The following MYT1L variants were observed in gnomAD, a reference collection of about 807,000 sequenced individuals.
MYT1L encodes the protein myelin transcription factor 1 like.
Under a neutral mutation model 126.7 loss-of-function variants are expected in MYT1L, and 12 were observed. The ratio of observed to expected loss-of-function variants is 0.09; its 90% CI spans 0.06 to 0.15. MYT1L has a LOEUF of 0.15. Among genes scored for constraint, MYT1L ranks in the 10% least tolerant of loss-of-function variants. The pLI, the probability that MYT1L is intolerant of heterozygous loss-of-function variation, is 1.00. For synonymous variants in MYT1L, 541 were observed against 604.2 expected (o/e 0.90, Z 1.53); for missense variants, 979 against 1,585.2 (o/e 0.62, Z 6.49).
intron 8 of MYT1L, among the ~76,000 whole-genome samples, chr2:1,948,325 G>A (rs570012684): frequency 1.1e-4 from 17 of 152,220 alleles, no homozygotes; most frequent in African/African-American, 2.9e-4. Context: ...GAATACAGTC[G>A]TATCCCCAAC....
At chr2:2,108,197 C>G (rs894862737) in intron 3 of MYT1L, among the ~76,000 whole-genome samples, 2 of 152,164 alleles carry the variant, frequency 1.3e-5, no homozygotes, top group African/African-American at 4.8e-5. Flanking sequence ...GCTAGAGTCC[C>G]TCCAAATGCA....
In MYT1L at chr2:2,079,279, A is replaced by T. The variant is rs185115764; in HGVS notation, c.-303-25156T>A. On this transcript the variant is annotated intron_variant, in intron 3 of 24. Coordinates refer to ENST00000647738, the MANE Select transcript of MYT1L (RefSeq NM_001303052.2). ...ATAATGAATAAAACATCTGGAAATAAATTTAACAAAAGAAGTTCAAGACAT... is the reference window on the plus strand; with the variant it reads ...ATAATGAATAAAACATCTGGAAATATATTTAACAAAAGAAGTTCAAGACAT... 1.6e-3 allele frequency among the ~76,000 whole-genome samples: 237 copies of T among 152,364 alleles called. 1 individual carries two copies. The highest frequency in any genetic ancestry group is 5.3e-3 in the African/African-American group (221 of 41,586).
intron 13 of MYT1L, among the ~76,000 whole-genome samples, chr2:1,905,958 T>G (rs530191842): frequency 9.8e-5 from 15 of 152,354 alleles, no homozygotes; most frequent in Non-Finnish European, 1.8e-4. Context: ...GAGTCCTTGC[T>G]CTCTTCCTAA....
In MYT1L at chr2:2,023,605, C is replaced by T. The variant is rs146697886; in HGVS notation, c.-157-26258G>A. Among the ~76,000 whole-genome samples the T allele has an allele frequency of 3.3e-4, 49 of 149,864 alleles. 1 individual carries two copies. In the East Asian group the frequency reaches 9.4e-3, roughly 29 times the overall value. On this transcript the variant is annotated intron_variant, in intron 4 of 24. Coordinates refer to ENST00000647738, the MANE Select transcript of MYT1L (RefSeq NM_001303052.2). ...ACTCGGAGCAGCTCCCCTGCCCTGGCGGCACAAGGCTTTTGCTGTTTTTTT... is the reference window on the plus strand; with the variant it reads ...ACTCGGAGCAGCTCCCCTGCCCTGGTGGCACAAGGCTTTTGCTGTTTTTTT...
At chr2:1,966,269 C>A (rs930181133) in intron 8 of MYT1L, among the ~76,000 whole-genome samples, 1 of 152,222 alleles carries the variant, frequency 6.6e-6, no homozygotes, top group Non-Finnish European at 1.5e-5. Flanking sequence ...TTGACTTACT[C>A]ACCACTCTTT....
intron 4 of MYT1L, among the ~76,000 whole-genome samples, chr2:2,053,616 A>G (rs879527620): frequency 1.4e-4 from 22 of 152,198 alleles, no homozygotes; most frequent in Non-Finnish European, 2.1e-4. Context: ...ATCCCAAAAT[A>G]GAACTAATAA....
chr2:1,926,071 C>T (rs1573630779), intron 9 of MYT1L, among the ~76,000 whole-genome samples: 1 of 152,296 alleles, frequency 6.6e-6, no homozygotes. Flanking sequence ...TGTGCTTCTA[C>T]CCTTCTTCAA....
At chr2:1,853,644 A>G (rs1243204674) in intron 18 of MYT1L, among the ~76,000 whole-genome samples, 1 of 152,242 alleles carries the variant, frequency 6.6e-6, no homozygotes, top group Non-Finnish European at 1.5e-5. Flanking sequence ...TTTTCCTACC[A>G]GCCACCAATA....
intron 1 of MYT1L, among the ~76,000 whole-genome samples, chr2:2,293,408 C>T (rs186680761): frequency 5.3e-5 from 8 of 152,344 alleles, no homozygotes; most frequent in South Asian, 2.1e-4. Flanking sequence ...CATTCCCCCA[C>T]GCTGACTGTG....
At chr2:2,263,574 C>T (rs955159259) in intron 2 of MYT1L, among the ~76,000 whole-genome samples, 1 of 152,132 alleles carries the variant, frequency 6.6e-6, no homozygotes, top group Non-Finnish European at 1.5e-5. Context: ...GCAGCAGTGC[C>T]CGTTGCTGCT....
chr2:2,124,133 C>G lies in MYT1L; in HGVS notation c.-304+48739G>C, dbSNP rs141950980. Among the ~76,000 whole-genome samples, 1,343 of 152,292 alleles carry G rather than the reference C, an allele frequency of 8.8e-3. 11 individuals carry two copies. The highest frequency in any genetic ancestry group is 0.015 in the Non-Finnish European group (1,040 of 68,016). ...AATGCCCTTGGAGGACTCCCAGCCA[C>G]CCACTCGCTTTTGGGTTCTGCATTT... On this transcript the variant is annotated intron_variant, in intron 3 of 24. Transcript: ENST00000647738.
chr2:2,255,761 G>A (rs1053668018), intron 2 of MYT1L, among the ~76,000 whole-genome samples: 1 of 152,086 alleles, frequency 6.6e-6, no homozygotes, highest in Non-Finnish European at 1.5e-5. Flanking sequence ...TATTAGACTG[G>A]CTGTTGTGAA....
At chr2:2,001,319 C>G (rs1194629567) in intron 4 of MYT1L, among the ~76,000 whole-genome samples, 1 of 148,408 alleles carries the variant, frequency 6.7e-6, no homozygotes, top group Non-Finnish European at 1.5e-5. Flanking sequence ...CTTTGACTTC[C>G]TCAATTGCAC....
At chr2:1,875,344 T>TGAGAGTGTGCACAC (rs2046774741) in intron 18 of MYT1L, among the ~76,000 whole-genome samples, 1 of 152,176 alleles carries the variant, frequency 6.6e-6, no homozygotes, top group African/African-American at 2.4e-5. Context: ...GGAAGTCCAT[T>TGAGAGTGTGCACAC]TCAAGAGAGT....
intron 4 of MYT1L, among the ~76,000 whole-genome samples, chr2:2,009,901 T>G (rs976983638): frequency 8.8e-5 from 13 of 147,856 alleles, no homozygotes; most frequent in African/African-American, 1.7e-4. Context: ...GTTAAGAGTT[T>G]TTTTTTTTTT....
At chr2:2,084,964 T>C (rs962204132) in intron 3 of MYT1L, among the ~76,000 whole-genome samples, 1 of 152,150 alleles carries the variant, frequency 6.6e-6, no homozygotes, top group Non-Finnish European at 1.5e-5. Flanking sequence ...AGGCCAAGGC[T>C]GCATCCCCTG....
chr2:2,002,440 G>A (rs956163494), intron 4 of MYT1L, among the ~76,000 whole-genome samples: 3 of 152,186 alleles, frequency 2.0e-5, no homozygotes, highest in African/African-American at 7.2e-5. Context: ...TGCTTTCCAT[G>A]TATGCCACAT....
chr2:2,138,061 T>C (rs917737569), intron 3 of MYT1L, among the ~76,000 whole-genome samples: 28 of 152,268 alleles, frequency 1.8e-4, no homozygotes, highest in Non-Finnish European at 2.9e-4. Context: ...AAATAAGACA[T>C]TTATGCAGCC....
chr2:2,004,416 TGCGTTCTTTCCTGCATGC>T (rs2062896137), intron 4 of MYT1L, among the ~76,000 whole-genome samples: 1 of 133,772 alleles, frequency 7.5e-6, no homozygotes, highest in South Asian at 2.6e-4. Flanking sequence ...CTTTCCTGCA[TGCGTTCTTTCCTGCATGC>T]GTTCTTTCCT....
Sources: gnomAD v4.1 joint callset for allele counts (sites outside exome capture counted in the v4.1 genomes callset) on GRCh38, gnomAD v4.1.1 for gene constraint, MANE v1.5 for transcripts, NCBI Gene and HGNC (gene_info 2026-07-23, HGNC 2026-07-21) for gene names.